The following CHRNB1 variants were observed in gnomAD, a reference collection of about 807,000 sequenced individuals.
CHRNB1 encodes the protein acetylcholine receptor subunit beta.
In CHRNB1, 47 loss-of-function variants were observed where a neutral mutation model predicts 53.8. The ratio of observed to expected loss-of-function variants is 0.87; its 90% confidence interval spans 0.69 to 1.11. The LOEUF (loss-of-function observed/expected upper bound fraction) is 1.11, where lower values mean the gene tolerates loss of function less well. Among genes scored for constraint, CHRNB1 ranks in the 50% most tolerant of loss-of-function variants. The pLI is 0.00. For missense variants in CHRNB1, 605 were observed against 654.9 expected (o/e 0.92, Z 0.83); for synonymous variants, 259 against 263.5 (o/e 0.98, Z 0.16).
intron 8 of CHRNB1, among the ~76,000 whole-genome samples, chr17:7,455,021 T>A (rs556233825): frequency 8.1e-4 from 123 of 152,140 alleles, no homozygotes; most frequent in Non-Finnish European, 1.2e-3. Context: ...CAGGCTGGTC[T>A]TGAACTCCTG....
In CHRNB1 at chr17:7,446,303, T is replaced by TTG. The variant is rs370471983; in HGVS notation, c.243+212_243+213dup. On this transcript the variant is annotated intron_variant, in intron 3 of 10. Coordinates refer to ENST00000306071, the MANE Select transcript of CHRNB1 (RefSeq NM_000747.3). ...ACCCCATGCATTTTTAATTCCAATT[T>TTG]TGTGTGTGTGTGTGTGTGTGTGTCT... 1,258 of 477,616 alleles carry TTG rather than the reference T, an allele frequency of 2.6e-3. 14 individuals are homozygous for TTG. Among genetic ancestry groups the TTG allele is most frequent in the East Asian group, 0.017 (385 of 22,154 alleles). The allele number at this position is 477,616 out of a possible 1,614,324, so 29.6% of individuals were successfully genotyped here. A position where few individuals can be genotyped will look rare whatever the true frequency, so the allele number is the denominator to read the frequency against.
intron 7 of CHRNB1, 47 bp downstream of exon 7, chr17:7,448,835 C>G (rs1412305667): frequency 6.3e-7 from 1 of 1,586,102 alleles, no homozygotes; most frequent in East Asian, 2.2e-5. Flanking sequence ...GGCTCAGCTT[C>G]TTACTCTTTA....
Position 7,447,096 on chromosome 17 carries a change from A to G in CHRNB1, c.407A>G (p.Asp136Gly), listed in dbSNP as rs370702418. The G allele has an allele frequency of 6.2e-6, 10 of 1,613,916 alleles. No homozygotes were observed. The African/African-American group carries it at 1.3e-4, about 22-fold the overall frequency. The change falls in exon 5 of 11, where the codon GAC (aspartate) becomes GGC (glycine). Residue 136 changes from aspartate (D) to glycine (G), a missense_variant. Physicochemically the swap from Asp to Gly is moderately conservative, Grantham distance 94. Coordinates refer to ENST00000306071, the MANE Select transcript of CHRNB1 (RefSeq NM_000747.3). The stretch of plus-strand genomic sequence containing the variant: ...GACATTAGCGTCGTGGTGTCCTCCG[A>G]CGGCTCCGTGCGTTGGCAACCCCCG... ...ALDISVVVSSDGSVRWQPPGI... is the reference protein window; with the variant it reads ...ALDISVVVSSGGSVRWQPPGI...
chr17:7,447,008 G>A (rs1452584758), intron 4 of CHRNB1, 35 bp from the exon 5 acceptor site: 1 of 1,611,016 alleles, frequency 6.2e-7, no homozygotes, highest in Non-Finnish European at 8.5e-7. Context: ...CTCCGGGCGC[G>A]GGGCCTGATC....
chr17:7,446,543 C>A (rs987994748), intron 3 of CHRNB1: 4 of 540,722 alleles, frequency 7.4e-6, no homozygotes, highest in Non-Finnish European at 1.3e-5. Context: ...CATTCCCCAT[C>A]CACTAAAGGA....
intron 7 of CHRNB1, among the ~76,000 whole-genome samples, chr17:7,451,274 C>CTTTTTTTT (rs34769424): frequency 1.7e-4 from 16 of 92,016 alleles, no homozygotes; most frequent in East Asian, 2.9e-4. Context: ...CTTTTCTTTT[C>CTTTTTTTT]TTTTTTTTTT....
chr17:7,448,847 C>T (rs1908772487), intron 7 of CHRNB1, 59 bp downstream of exon 7: 2 of 1,566,232 alleles, frequency 1.3e-6, no homozygotes, highest in African/African-American at 2.7e-5. Flanking sequence ...TACTCTTTAT[C>T]CTTAATCCAG....
Position 7,445,182 on chromosome 17 carries a change from C to A in CHRNB1, c.55C>A (p.Pro19Thr), listed in dbSNP as rs1233718343. The change falls in exon 1 of 11, where the codon CCA becomes ACA. Residue 19 changes from proline (P) to threonine (T), a missense_variant. Coordinates refer to ENST00000306071, the MANE Select transcript of CHRNB1 (RefSeq NM_000747.3). The surrounding 1 kb of genome is among the most constrained non-coding windows in gnomAD (Gnocchi z 5.7). ...LLGALGAPLAPGVRGSEAEGR... is the reference protein window; with the variant it reads ...LLGALGAPLATGVRGSEAEGR... ...GGGGGCGCTGGGGGCGCCGCTCGCC[C>A]CAGGTAAGTGTAGGCCCCGAAGGGG... 1.9e-6 allele frequency: 3 copies of A among 1,610,412 alleles called. No homozygotes were observed.
At position 7,448,658 on chromosome 17, in the gene CHRNB1, A is replaced by G; in HGVS notation, c.690A>G (p.Gly230=). 1.9e-6 allele frequency: 3 copies of G among 1,614,160 alleles called. No homozygotes were observed. Among genetic ancestry groups the G allele is most frequent in the Non-Finnish European group, 2.5e-6 (3 of 1,180,028 alleles). The change falls in exon 7 of 11, where the codon GGA becomes GGG. Residue 230 remains glycine, a synonymous_variant. Coordinates refer to ENST00000306071, the MANE Select transcript of CHRNB1 (RefSeq NM_000747.3). ...PPGDPRGGRE[G]QRQEVIFYLI... ...GCGATCCTAGGGGAGGGAGGGAAGG[A>G]CAGCGCCAGGAAGTCATCTTCTACC...
At position 7,445,864 on chromosome 17, in the gene CHRNB1, G is replaced by A; in HGVS notation, c.199-205G>A. ...AGGGGCGGGTCTGGTAGGTTGATAGGCTGGGAGTGTAGACGGCAGGAAGAG... is the reference window on the plus strand; with the variant it reads ...AGGGGCGGGTCTGGTAGGTTGATAGACTGGGAGTGTAGACGGCAGGAAGAG... On this transcript the variant is annotated intron_variant, in intron 2 of 10. Transcript: ENST00000306071. This position sits in a 1 kb window ranked among gnomAD's most constrained non-coding sequence, Gnocchi z 5.7. 1 of 644,516 alleles carries A rather than the reference G, an allele frequency of 1.6e-6. No individual in the cohort carries two copies. Among genetic ancestry groups the A allele is most frequent in the Non-Finnish European group, 2.8e-6 (1 of 360,704 alleles). The allele number at this position is 644,516 out of a possible 1,614,324, so 39.9% of individuals were successfully genotyped here.
intron 8 of CHRNB1, 97 bp from the exon 9 acceptor site, chr17:7,455,187 C>G: frequency 7.5e-7 from 1 of 1,337,968 alleles, no homozygotes; most frequent in Non-Finnish European, 1.1e-6. Context: ...CACATACTCA[C>G]GCGCGGGAAT....
intron 7 of CHRNB1, among the ~76,000 whole-genome samples, chr17:7,450,956 G>T (rs1197173764): frequency 6.6e-6 from 1 of 152,216 alleles, no homozygotes. Context: ...ACTTTGGGAG[G>T]CTGGGGCTGG....
rs1454606943 is a variant in CHRNB1 at position 7,456,521 on chromosome 17, TG to T, written c.1366-55del. The T allele has an allele frequency of 6.2e-6, 10 of 1,605,114 alleles. No individual in the cohort carries two copies. The East Asian group carries it at 8.9e-5, about 14-fold the overall frequency. Reference sequence around the variant, plus strand: ...CTCAAGCGGGTAGCGGGCGGGGAAATGGGGGGGTTTCCCTGGGGGTCTGGGC... The same window carrying T: ...CTCAAGCGGGTAGCGGGCGGGGAAATGGGGGGTTTCCCTGGGGGTCTGGGC... On this transcript the variant is annotated intron_variant, in intron 10 of 10. Transcript: ENST00000306071.
intron 10 of CHRNB1, among the ~76,000 whole-genome samples, chr17:7,456,228 A>G (rs1263178504): frequency 6.6e-6 from 1 of 151,070 alleles, no homozygotes; most frequent in Non-Finnish European, 1.5e-5. Flanking sequence ...TAATTTTTGT[A>G]TTTTTAGTAG....
At chr17:7,448,343 G>A (rs910856327) in intron 6 of CHRNB1, among the ~76,000 whole-genome samples, 2 of 152,056 alleles carry the variant, frequency 1.3e-5, no homozygotes, top group African/African-American at 2.4e-5. Context: ...CCGAGATCAC[G>A]CCACTGCACT....
intron 10 of CHRNB1, 98 bp downstream of exon 10, chr17:7,456,039 T>G: frequency 4.8e-6 from 5 of 1,047,502 alleles, no homozygotes; most frequent in Non-Finnish European, 6.9e-6. Flanking sequence ...TTTGTGTGGT[T>G]TTTTTTTGGC....
chr17:7,455,840 G>A lies in CHRNB1; in HGVS notation c.1264G>A (p.Gly422Ser). Residue 422 changes from glycine (G) to serine (S), a missense_variant, in exon 10 of 11, where the codon GGT (glycine) becomes AGT (serine). Physicochemically the swap from Gly to Ser is moderately conservative, Grantham distance 56. Transcript: ENST00000306071. ...SAPDLRRFID[G>S]PNRAVALLPE... Reference sequence around the variant, plus strand: ...CCCTGATCTGCGGCGATTTATCGATGGTCCAAACCGGGCTGTGGCCCTGCT... The same window carrying A: ...CCCTGATCTGCGGCGATTTATCGATAGTCCAAACCGGGCTGTGGCCCTGCT... 6.2e-7 allele frequency: 1 copy of A among 1,614,108 alleles called. No individual in the cohort carries two copies.
Position 7,447,047 on chromosome 17 carries a change from G to A in CHRNB1, c.358G>A (p.Asp120Asn). The change falls in exon 5 of 11, where the codon GAT becomes AAT. Residue 120 changes from aspartate to asparagine, a missense_variant. By Grantham distance (23) the Asp-to-Asn change is conservative. Transcript: ENST00000306071. ...LPDVVLLNNNDGNFDVALDIS... is the reference protein window; with the variant it reads ...LPDVVLLNNNNGNFDVALDIS... ...GATGAGATCCCTTCTCTGCAGCAAT[G>A]ATGGGAATTTTGACGTGGCTCTGGA... 1.2e-6 allele frequency: 2 copies of A among 1,614,198 alleles called. No homozygotes were observed. The highest frequency in any genetic ancestry group is 1.7e-6 in the Non-Finnish European group (2 of 1,180,000).
In CHRNB1 at chr17:7,445,408, T is replaced by C; in HGVS notation, c.197T>C (p.Leu66Pro). 1.2e-6 allele frequency: 2 copies of C among 1,610,262 alleles called. No individual in the cohort carries two copies. The highest frequency in any genetic ancestry group is 4.5e-5 in the East Asian group (2 of 44,778). ...CTCATCCTGGCGCAACTCATCAGCCTGGTGAGGGCGCGCGGGGGGTGGAGG... is the reference window on the plus strand; with the variant it reads ...CTCATCCTGGCGCAACTCATCAGCCCGGTGAGGGCGCGCGGGGGGTGGAGG... ...VGLILAQLIS[L>P]NEKDEEMSTK... The change falls in exon 2 of 11, where the codon CTG (leucine) becomes CCG (proline). Residue 66 changes from leucine to proline, a missense_variant and splice_region_variant. Leu to Pro is a moderately conservative substitution (Grantham distance 98, BLOSUM62 -3). Coordinates refer to ENST00000306071, the MANE Select transcript of CHRNB1 (RefSeq NM_000747.3). This position sits in a 1 kb window ranked among gnomAD's most constrained non-coding sequence, Gnocchi z 5.7.
Sources: gnomAD v4.1 joint callset for allele counts (sites outside exome capture counted in the v4.1 genomes callset) on GRCh38, gnomAD v4.1.1 for gene constraint, Gnocchi (gnomAD v3.1) non-coding constraint, MANE v1.5 for transcripts, NCBI Gene and HGNC (gene_info 2026-07-23, HGNC 2026-07-21) for gene names.